Variants in NUP58 observed in about 807,000 individuals in gnomAD.
NUP58 encodes nucleoporin 58, also known as nucleoporin p58/p45.
NUP58 carries 17 observed loss-of-function variants against 70.1 expected under a neutral mutation model. The ratio of observed to expected loss-of-function variants is 0.24; its 90% CI spans 0.17 to 0.36. NUP58 has a LOEUF of 0.36. NUP58 is among the 10% of genes least tolerant of loss of function. The pLI, the probability that NUP58 is intolerant of heterozygous loss-of-function variation, is 1.00. For synonymous variants in NUP58, 275 were observed against 257.6 expected (o/e 1.07, Z -0.65); for missense variants, 644 against 701.5 (o/e 0.92, Z 0.93).
chr13:25,324,940 A>G, intron 9 of NUP58, 49 bp from the exon 10 acceptor site: 1 of 1,252,846 alleles, frequency 8.0e-7, no homozygotes, highest in Non-Finnish European at 1.1e-6. Flanking sequence ...TTTTTAACAT[A>G]ACTCTTAACT....
At position 25,313,018 on chromosome 13, in the gene NUP58, C is replaced by G. The variant is rs766857918; in HGVS notation, c.422C>G (p.Thr141Arg). 3 of 1,612,372 alleles carry G rather than the reference C, an allele frequency of 1.9e-6. No homozygotes were observed. Among genetic ancestry groups the G allele is most frequent in the Admixed American group, 1.7e-5 (1 of 59,582 alleles). Reference sequence around the variant, plus strand: ...GGTCTGACTCTTTCGTCTGCTCTGACATCAACTCCAGCAGGTGAGGCAGAA... The same window carrying G: ...GGTCTGACTCTTTCGTCTGCTCTGAGATCAACTCCAGCAGGTGAGGCAGAA... ...ASGLTLSSAL[T>R]STPAASTGFT... The change falls in exon 4 of 16, where the codon ACA becomes AGA. Residue 141 changes from threonine to arginine, a missense_variant. Around this residue, in one of 4 missense-constraint regions of NUP58, gnomAD observed 430 missense variants for 409.2 expected, o/e 1.05. Coordinates refer to ENST00000381736, the MANE Select transcript of NUP58 (RefSeq NM_014089.4).
chr13:25,349,027 T>G (rs1163607827), intron 3 of NUP58, among the ~76,000 whole-genome samples: 2 of 152,192 alleles, frequency 1.3e-5, no homozygotes, highest in African/African-American at 4.8e-5. Context: ...CCCTTCAGCA[T>G]CATCTTTCCT....
At chr13:25,302,816 C>G (rs2030094332) in intron 1 of NUP58, 1 of 383,068 alleles carries the variant, frequency 2.6e-6, no homozygotes, top group East Asian at 7.2e-5. Flanking sequence ...ACTACACAGT[C>G]AATTCAGAAA....
At chr13:25,307,211 A>ATTTTTTTTTTTT (rs72132780) in intron 1 of NUP58, among the ~76,000 whole-genome samples, 1 of 98,606 alleles carries the variant, frequency 1.0e-5, no homozygotes, top group African/African-American at 3.8e-5. Context: ...CTGGTATTGT[A>ATTTTTTTTTTTT]TTTTTTTTTT....
At chr13:25,334,117 G>T (rs759140878) in intron 13 of NUP58, 13 of 985,148 alleles carry the variant, frequency 1.3e-5, no homozygotes, top group African/African-American at 1.7e-5. Context: ...AGGCTGCAGA[G>T]AATTGAAAAT....
At chr13:25,308,874 A>C (rs1400245697) in intron 2 of NUP58, among the ~76,000 whole-genome samples, 2 of 152,208 alleles carry the variant, frequency 1.3e-5, no homozygotes, top group African/African-American at 4.8e-5. Flanking sequence ...AGCACATTTC[A>C]CAGCCACATC....
chr13:25,318,722 G>A (rs993453248), intron 6 of NUP58, among the ~76,000 whole-genome samples: 6 of 152,108 alleles, frequency 3.9e-5, no homozygotes, highest in Middle Eastern at 3.2e-3. Context: ...TACATAACTG[G>A]CAAGGTTTTT....
downstream of NUP58, among the ~76,000 whole-genome samples, chr13:25,345,797 CAG>C (rs58108978): frequency 0.052 from 7,843 of 152,136 alleles, 234 homozygotes; most frequent in East Asian, 0.15. Flanking sequence ...ACCAGGGAGA[CAG>C]GCAAGAATGA....
intron 14 of NUP58, among the ~76,000 whole-genome samples, chr13:25,338,079 C>G (rs2031846337): frequency 6.6e-6 from 1 of 152,082 alleles, no homozygotes; most frequent in Non-Finnish European, 1.5e-5. Flanking sequence ...CACTGTTAAA[C>G]TGGCTGGTAG....
At chr13:25,302,597 G>A (rs1415068868) in intron 1 of NUP58, among the ~76,000 whole-genome samples, 1 of 152,134 alleles carries the variant, frequency 6.6e-6, no homozygotes, top group African/African-American at 2.4e-5. Flanking sequence ...TATCCAGAAA[G>A]AAACAAAGTG....
At chr13:25,313,144 A>G (rs2030759119) in intron 4 of NUP58, 112 bp downstream of exon 4, 1 of 1,299,862 alleles carries the variant, frequency 7.7e-7, no homozygotes, top group South Asian at 1.5e-5. Context: ...AAAGAAGAAA[A>G]TTCAGCTTTG....
At chr13:25,327,686 T>C (rs2031449299) in intron 12 of NUP58, among the ~76,000 whole-genome samples, 174 bp downstream of exon 12, 1 of 152,204 alleles carries the variant, frequency 6.6e-6, no homozygotes, top group African/African-American at 2.4e-5. Flanking sequence ...TAATACCTGT[T>C]CTTTTAAAAA....
At chr13:25,312,816 T>A (rs747584590) in intron 3 of NUP58, 67 bp from the exon 4 acceptor site, 1 of 1,477,330 alleles carries the variant, frequency 6.8e-7, no homozygotes, top group Admixed American at 2.0e-5. Context: ...GAAACCAGTA[T>A]AATAGAACAC....
chr13:25,334,831 T>C lies in NUP58; in HGVS notation c.1436-2105T>C, dbSNP rs1430091099. The C allele has an allele frequency of 1.1e-5, 11 of 984,320 alleles. No individual in the cohort carries two copies. In the East Asian group the frequency reaches 1.1e-3, roughly 101 times the overall value. The allele number at this position is 984,320 out of a possible 1,614,324, so 61.0% of individuals were successfully genotyped here. A position where few individuals can be genotyped will look rare whatever the true frequency, so the allele number is the denominator to read the frequency against. On this transcript the variant is annotated intron_variant, in intron 13 of 15. Transcript: ENST00000381736. ...GTGTGAATATATTATATGGTAACTT[T>C]TGTAAAATGTTACTCTACATGAAGA...
At position 25,322,116 on chromosome 13, in the gene NUP58, T is replaced by C. The variant is rs565636738; in HGVS notation, c.951+1023T>C. ...TAATTACAGAATATACTTGATCTCA[T>C]CATAGCAGTCTAGAAATCTTTCCGT... is the stretch of plus-strand genomic sequence containing the variant. On this transcript the variant is annotated intron_variant, in intron 9 of 15. Transcript: ENST00000381736. 2.1e-3 allele frequency among the ~76,000 whole-genome samples: 321 copies of C among 152,356 alleles called. 1 individual carries two copies. The highest frequency in any genetic ancestry group is 7.4e-3 in the African/African-American group (309 of 41,586).
chr13:25,338,601 T>C lies in NUP58; in HGVS notation c.1535-35T>C, dbSNP rs781210596. On this transcript the variant is annotated intron_variant, in intron 14 of 15. Coordinates refer to ENST00000381736, the MANE Select transcript of NUP58 (RefSeq NM_014089.4). ...CATATCCTTTAACCTGTGTTTTATG[T>C]GCCATTGTATATTTTTCTATTACCC... The C allele has an allele frequency of 1.2e-5, 18 of 1,465,186 alleles. 1 individual carries two copies. In the Admixed American group the frequency reaches 2.7e-4, roughly 22 times the overall value. 90.8% of individuals were successfully genotyped at this position (1,465,186 alleles called of 1,614,324 possible).
At chr13:25,314,336 A>C (rs1443447523) in intron 5 of NUP58, among the ~76,000 whole-genome samples, 1 of 151,234 alleles carries the variant, frequency 6.6e-6, no homozygotes, top group Non-Finnish European at 1.5e-5. Flanking sequence ...ACTGATCTAG[A>C]GATAACATCT....
intron 13 of NUP58, chr13:25,336,006 G>T: frequency 8.8e-7 from 1 of 1,130,128 alleles, no homozygotes; most frequent in Non-Finnish European, 1.1e-6. Context: ...TAAAAGAGAG[G>T]CTAGTAAGTT....
rs79614882 is a variant in NUP58 at position 25,309,666 on chromosome 13, T to C, written c.286+384T>C. Among the ~76,000 whole-genome samples, 184 of 152,306 alleles carry C rather than the reference T, an allele frequency of 1.2e-3. 3 individuals are homozygous for C. Among genetic ancestry groups the C allele is most frequent in the East Asian group, 9.3e-3 (48 of 5,184 alleles). On this transcript the variant is annotated intron_variant, in intron 3 of 15. Transcript: ENST00000381736. ...AGGTAATGTTTGGGGCTTTTAGTTA[T>C]CTATAAAATTGAGGGTATTGAACTA...
Sources: allele counts gnomAD v4.1 joint callset (sites outside exome capture counted in the v4.1 genomes callset), GRCh38; gene constraint gnomAD v4.1.1; regional missense constraint gnomAD v4.1.1; transcripts MANE v1.5; gene names NCBI Gene and HGNC (gene_info 2026-07-23, HGNC 2026-07-21).